MCTP2: variants seen among roughly 807,000 people sequenced by gnomAD.
The protein encoded by MCTP2 is multiple C2 and transmembrane domain-containing protein 2.
A neutral mutation model predicts 111.6 loss-of-function variants in MCTP2; 132 were observed. That is an observed-to-expected ratio of 1.18 (90% CI 1.03 to 1.37). MCTP2 has a LOEUF of 1.37. Ranked by LOEUF, MCTP2 falls within the 40% of genes most tolerant of loss-of-function variation. The pLI, the probability that MCTP2 is intolerant of heterozygous loss-of-function variation, is 0.00. For synonymous variants in MCTP2, 395 were observed against 387.7 expected, an observed-to-expected ratio of 1.02 and a Z score of -0.22; for missense variants, 1,183 against 1,067.9, an observed-to-expected ratio of 1.11 and a Z score of -1.50.
chr15:94,281,853 TA>T, intron 1 of MCTP2, among the ~76,000 whole-genome samples: 1 of 152,128 alleles, frequency 6.6e-6, no homozygotes, highest in African/African-American at 2.4e-5. Context: ...TGGTTGGAAT[TA>T]TTTTTTTTTC....
chr15:94,242,492 A>G (rs1364343794), intron 1 of MCTP2, among the ~76,000 whole-genome samples: 3 of 152,064 alleles, frequency 2.0e-5, no homozygotes, highest in Non-Finnish European at 4.4e-5. Flanking sequence ...GCATCTGTGC[A>G]CTGCTGAGGT....
intron 1 of MCTP2, among the ~76,000 whole-genome samples, chr15:94,247,319 G>C (rs1027789698): frequency 1.3e-5 from 2 of 152,028 alleles, no homozygotes; most frequent in Non-Finnish European, 2.9e-5. Context: ...CAACATGCTG[G>C]GGAATTCCAG....
At chr15:94,326,653 T>TGC (rs1463287793) in intron 4 of MCTP2, among the ~76,000 whole-genome samples, 1 of 151,902 alleles carries the variant, frequency 6.6e-6, no homozygotes, top group Non-Finnish European at 1.5e-5. Context: ...CTACAACTTC[T>TGC]GCCTCCTGGG....
intron 2 of MCTP2, among the ~76,000 whole-genome samples, chr15:94,307,453 G>A (rs1176510712): frequency 6.6e-6 from 1 of 152,176 alleles, no homozygotes; most frequent in Non-Finnish European, 1.5e-5. Context: ...TGTCCCTGAT[G>A]TTTCAGGAAG....
chr15:94,470,636 T>C (rs995384270), intron 21 of MCTP2, among the ~76,000 whole-genome samples, 194 bp downstream of exon 21: 1 of 152,212 alleles, frequency 6.6e-6, no homozygotes, highest in Admixed American at 6.5e-5. Context: ...GCATAGATAT[T>C]TATAGGCCTC....
At chr15:94,255,264 A>G (rs1240598392) in intron 1 of MCTP2, among the ~76,000 whole-genome samples, 1 of 152,224 alleles carries the variant, frequency 6.6e-6, no homozygotes, top group East Asian at 1.9e-4. Flanking sequence ...TTGATCTAAC[A>G]GGTGCTTTAG....
At chr15:94,364,045 C>T (rs557961390) in intron 10 of MCTP2, among the ~76,000 whole-genome samples, 1 of 137,974 alleles carries the variant, frequency 7.2e-6, no homozygotes, top group Non-Finnish European at 1.5e-5. Flanking sequence ...CTTGAGCTGT[C>T]GTGAGTTAAA....
intron 1 of MCTP2, among the ~76,000 whole-genome samples, chr15:94,267,360 G>A (rs1022934530): frequency 1.3e-5 from 2 of 152,124 alleles, no homozygotes; most frequent in Non-Finnish European, 2.9e-5. Context: ...GAATTTATAA[G>A]CGTTATGCTA....
At chr15:94,263,979 A>C (rs1039588763) in intron 1 of MCTP2, among the ~76,000 whole-genome samples, 13 of 152,236 alleles carry the variant, frequency 8.5e-5, no homozygotes, top group African/African-American at 3.1e-4. Flanking sequence ...GTAGATTCAA[A>C]TTCTCCTCCT....
intron 1 of MCTP2, among the ~76,000 whole-genome samples, chr15:94,264,128 T>G (rs904716264): frequency 2.0e-5 from 3 of 152,140 alleles, no homozygotes; most frequent in Non-Finnish European, 4.4e-5. Flanking sequence ...GCCTCCTCCC[T>G]AGGACCCTGG....
chr15:94,334,972 C>T (rs887898518), intron 4 of MCTP2, among the ~76,000 whole-genome samples: 1 of 152,122 alleles, frequency 6.6e-6, no homozygotes, highest in Non-Finnish European at 1.5e-5. Context: ...CTTTCCCATC[C>T]GTGGAGTGCC....
intron 1 of MCTP2, among the ~76,000 whole-genome samples, chr15:94,250,592 A>T (rs2072344560): frequency 6.6e-6 from 1 of 152,202 alleles, no homozygotes; most frequent in Non-Finnish European, 1.5e-5. Context: ...ATACCTTACT[A>T]CAGGGACTGA....
intron 1 of MCTP2, among the ~76,000 whole-genome samples, chr15:94,283,622 A>C (rs2074609082): frequency 6.6e-6 from 1 of 152,088 alleles, no homozygotes; most frequent in Non-Finnish European, 1.5e-5. Context: ...TGGCAACCCC[A>C]TGTAGAGTTC....
At chr15:94,447,172 A>G (rs2084166571) in intron 19 of MCTP2, among the ~76,000 whole-genome samples, 1 of 152,196 alleles carries the variant, frequency 6.6e-6, no homozygotes, top group Non-Finnish European at 1.5e-5. Flanking sequence ...CATGGCATGT[A>G]TCTAGGAGTT....
chr15:94,293,429 A>G (rs935963962), intron 1 of MCTP2, among the ~76,000 whole-genome samples: 6 of 152,258 alleles, frequency 3.9e-5, no homozygotes, highest in African/African-American at 1.4e-4. Flanking sequence ...AGATAAAAAG[A>G]CAGGAAATGC....
At chr15:94,368,238 A>G (rs1596488269) in intron 11 of MCTP2, among the ~76,000 whole-genome samples, 2 of 152,348 alleles carry the variant, frequency 1.3e-5, no homozygotes, top group South Asian at 4.1e-4. Flanking sequence ...CAATAACACT[A>G]GCTGGACATG....
chr15:94,411,214 A>T (rs894087550), intron 17 of MCTP2, among the ~76,000 whole-genome samples: 3 of 151,920 alleles, frequency 2.0e-5, no homozygotes, highest in Admixed American at 6.6e-5. Flanking sequence ...GTTATAACCA[A>T]TTCCTTATGT....
intron 1 of MCTP2, among the ~76,000 whole-genome samples, chr15:94,234,048 C>T (rs1404527985): frequency 6.6e-6 from 1 of 152,184 alleles, no homozygotes; most frequent in East Asian, 1.9e-4. Context: ...TTCCCTCTAT[C>T]TTCACGTGGA....
At chr15:94,345,401 T>C (rs2077923634) in intron 8 of MCTP2, among the ~76,000 whole-genome samples, 1 of 148,828 alleles carries the variant, frequency 6.7e-6, no homozygotes, top group African/African-American at 2.5e-5. Flanking sequence ...GTACCGGCCA[T>C]GTTAGAGTGT....
Sources: allele counts gnomAD v4.1 joint callset (sites outside exome capture counted in the v4.1 genomes callset), GRCh38; gene constraint gnomAD v4.1.1; transcripts MANE v1.5; gene names NCBI Gene and HGNC (gene_info 2026-07-23, HGNC 2026-07-21).